Variants in EIF3I observed in about 807,000 individuals in gnomAD.
EIF3I encodes eukaryotic translation initiation factor 3 subunit I.
In EIF3I, 20 loss-of-function variants were observed where a neutral mutation model predicts 43.3. The ratio of observed to expected loss-of-function variants is 0.46; its 90% CI spans 0.32 to 0.67. EIF3I has a LOEUF of 0.67. EIF3I is among the 30% of genes least tolerant of loss of function. The probability of loss-of-function intolerance (pLI) is 0.03; values close to 1 mark genes in which losing one functional copy is unlikely to be tolerated. For missense variants in EIF3I, 279 were observed against 421.4 expected, an observed-to-expected ratio of 0.66 and a Z score of 2.96; for synonymous variants, 167 against 151.7, an observed-to-expected ratio of 1.10 and a Z score of -0.74.
At chr1:32,232,496 CTG>C (rs1639252263), downstream of EIF3I, among the ~76,000 whole-genome samples, 2 of 152,182 alleles carry the variant, frequency 1.3e-5, no homozygotes, top group Non-Finnish European at 2.9e-5. Flanking sequence ...AGCATACCCA[CTG>C]TGCAAAGCAA....
chr1:32,226,137 T>C, intron 4 of EIF3I, 34 bp from the exon 5 acceptor site: 2 of 1,605,570 alleles, frequency 1.2e-6, no homozygotes, highest in Non-Finnish European at 1.7e-6. Flanking sequence ...GCAATTGCAA[T>C]GGATGGTGTA....
At chr1:32,224,270 C>A in intron 3 of EIF3I, 140 bp from the exon 4 acceptor site, 1 of 1,099,876 alleles carries the variant, frequency 9.1e-7, no homozygotes, top group Non-Finnish European at 1.4e-6. Flanking sequence ...AGGAAACATT[C>A]AGGACAAATT....
intron 8 of EIF3I, 38 bp from the exon 9 acceptor site, chr1:32,229,096 TG>T: frequency 6.3e-7 from 1 of 1,574,860 alleles, no homozygotes; most frequent in Non-Finnish European, 8.6e-7. Context: ...ATGGACTTGG[TG>T]TCCATTGGTC....
exon 1 of EIF3I, chr1:32,222,444 G>A (rs1307813289): frequency 6.2e-7 from 1 of 1,600,584 alleles, no homozygotes; most frequent in African/African-American, 1.3e-5. Context: ...CAGCCGGGAT[G>A]GTGAGTTTCA....
At chr1:32,229,307 C>G in intron 9 of EIF3I, 99 bp downstream of exon 9, 3 of 1,309,790 alleles carry the variant, frequency 2.3e-6, no homozygotes, top group Non-Finnish European at 3.2e-6. Context: ...GTCGCCTAGG[C>G]TGGAGCGCAG....
chr1:32,225,877 G>A (rs1325850387), intron 4 of EIF3I, among the ~76,000 whole-genome samples: 3 of 151,560 alleles, frequency 2.0e-5, no homozygotes, highest in Non-Finnish European at 4.4e-5. Context: ...AAAAATTAGC[G>A]GGGCATGGTG....
downstream of EIF3I, among the ~76,000 whole-genome samples, chr1:32,235,925 A>G (rs1639292611): frequency 6.6e-6 from 1 of 152,210 alleles, no homozygotes; most frequent in Non-Finnish European, 1.5e-5. Flanking sequence ...CAGAAAATCT[A>G]ACAGCGACTT....
intron 4 of EIF3I, among the ~76,000 whole-genome samples, chr1:32,224,862 C>T (rs1231656804): frequency 1.3e-5 from 2 of 151,248 alleles, no homozygotes; most frequent in African/African-American, 2.4e-5. Flanking sequence ...GACAGATTCT[C>T]TCGCTGTGTC....
chr1:32,230,772 C>T (rs1166724914), intron 10 of EIF3I, among the ~76,000 whole-genome samples, 155 bp from the exon 10 acceptor site: 2 of 152,012 alleles, frequency 1.3e-5, no homozygotes. Context: ...TCCAGTGAAC[C>T]GAGATTGCGC....
chr1:32,230,544 C>G (rs1307098035), intron 10 of EIF3I, among the ~76,000 whole-genome samples: 1 of 150,970 alleles, frequency 6.6e-6, no homozygotes, highest in African/African-American at 2.4e-5. Context: ...TTTTGTGATA[C>G]AATTTGCATT....
intron 4 of EIF3I, among the ~76,000 whole-genome samples, chr1:32,225,347 G>C (rs1222562944): frequency 6.6e-6 from 1 of 152,226 alleles, no homozygotes; most frequent in African/African-American, 2.4e-5. Context: ...TCAGGTCTTT[G>C]CTGTGGAGAA....
chr1:32,230,370 A>C (rs1639216786), exon 10 of EIF3I, among the ~76,000 whole-genome samples: 1 of 152,046 alleles, frequency 6.6e-6, no homozygotes, highest in Non-Finnish European at 1.5e-5. Context: ...AGTAGCTGGG[A>C]TTACAGGTAC....
intron 8 of EIF3I, 34 bp downstream of exon 8, chr1:32,228,850 C>G (rs2124266580): frequency 6.5e-7 from 1 of 1,537,520 alleles, no homozygotes; most frequent in East Asian, 2.2e-5. Flanking sequence ...CTGCTGAAGC[C>G]TCAGGAAGCT....
At chr1:32,226,057 T>G (rs999675418) in intron 4 of EIF3I, 114 bp from the exon 5 acceptor site, 2 of 1,364,858 alleles carry the variant, frequency 1.5e-6, no homozygotes, top group African/African-American at 2.9e-5. Flanking sequence ...AAAATACTTT[T>G]TAAGTTTGGG....
downstream of EIF3I, among the ~76,000 whole-genome samples, chr1:32,235,727 A>G (rs1461340862): frequency 6.6e-6 from 1 of 152,162 alleles, no homozygotes; most frequent in East Asian, 1.9e-4. Context: ...GAAACACACA[A>G]TGTCCTGGGA....
At chr1:32,222,993 C>CTCGCT (rs1639054570) in intron 2 of EIF3I, among the ~76,000 whole-genome samples, 1 of 152,172 alleles carries the variant, frequency 6.6e-6, no homozygotes, top group Non-Finnish European at 1.5e-5. Context: ...ACTTCGGAGT[C>CTCGCT]TGAAACGAGA....
chr1:32,224,894 C>T (rs1042434353), intron 4 of EIF3I, among the ~76,000 whole-genome samples: 1 of 151,956 alleles, frequency 6.6e-6, no homozygotes, highest in Non-Finnish European at 1.5e-5. Flanking sequence ...AGTGCAGTGG[C>T]ACAATCTTGG....
At position 32,224,174 on chromosome 1, in the gene EIF3I, G is replaced by A; in HGVS notation, c.184+53G>A. On this transcript the variant is annotated intron_variant, in intron 3 of 11. Transcript: ENST00000676679. ...GTTGCTAGGGTCTGTCAGCGATGGA[G>A]AGGCTGAGTTGGGAGTTGGGAGTTG... 5 of 1,584,338 alleles carry A rather than the reference G, an allele frequency of 3.2e-6. No individual in the cohort carries two copies. The East Asian group carries it at 1.1e-4, about 35-fold the overall frequency.
At chr1:32,222,407 A>ACCCACGTTGCGGCCTTC (rs1454979467) in exon 1 of EIF3I, 1 of 1,585,162 alleles carries the variant, frequency 6.3e-7, no homozygotes, top group South Asian at 1.1e-5. Flanking sequence ...TTCCGGTCTT[A>ACCCACGTTGCGGCCTTC]CTCACGTTGC....
Sources: allele counts gnomAD v4.1 joint callset (sites outside exome capture counted in the v4.1 genomes callset), GRCh38; gene constraint gnomAD v4.1.1; transcripts MANE v1.5; gene names NCBI Gene and HGNC (gene_info 2026-07-23, HGNC 2026-07-21).